The following CR1L variants were observed in gnomAD, a reference collection of about 807,000 sequenced individuals.
The protein encoded by CR1L is complement C3b/C4b receptor 1 like, also known as complement component receptor 1-like protein.
A neutral mutation model predicts 62.3 loss-of-function variants in CR1L; 59 were observed. That is an observed-to-expected ratio of 0.95 (90% CI 0.77 to 1.18). The LOEUF (loss-of-function observed/expected upper bound fraction) is 1.18, where lower values mean the gene tolerates loss of function less well. CR1L is among the 50% of genes most tolerant of loss of function. CR1L has a pLI of 0.00. For synonymous variants in CR1L, 279 were observed against 248.7 expected, an observed-to-expected ratio of 1.12 and a Z score of -1.15; for missense variants, 700 against 702.8, an observed-to-expected ratio of 1.00 and a Z score of 0.04.
At chr1:207,659,063 C>T (rs114798855) in intron 1 of CR1L, 2,299 of 152,788 alleles carry the variant, frequency 0.015, 23 homozygotes, top group Non-Finnish European at 0.022. Context: ...TGCCGCCGCC[C>T]CACCTCCCAG....
chr1:207,711,778 G>A (rs1304886515), intron 10 of CR1L, among the ~76,000 whole-genome samples: 1 of 151,902 alleles, frequency 6.6e-6, no homozygotes, highest in Non-Finnish European at 1.5e-5. Context: ...GAGGTGGCTC[G>A]CACCTGAAAT....
intron 1 of CR1L, chr1:207,658,427 T>G (rs1226880997): frequency 1.3e-5 from 2 of 151,984 alleles, no homozygotes; most frequent in Non-Finnish European, 2.9e-5. Flanking sequence ...ATACTGAGAA[T>G]GAAAGAAGTG....
rs1663095546 is a variant in CR1L, at chr1:207,645,144, T to C, written c.-90T>C. The C allele has an allele frequency of 7.7e-7, 1 of 1,295,874 alleles. No individual in the cohort carries two copies. The highest frequency in any genetic ancestry group is 1.1e-6 in the Non-Finnish European group (1 of 908,710). The allele number at this position is 1,295,874 out of a possible 1,614,324, so 80.3% of individuals were successfully genotyped here. A position where few individuals can be genotyped will look rare whatever the true frequency, so the allele number is the denominator to read the frequency against. ...TGAGTTTGGGGATTGTTGTGTCCAC[T>C]AACCGGACTCAGAAGGGACTTCCCT... On this transcript the variant is annotated 5_prime_UTR_variant, in exon 1 of 12. Transcript: ENST00000508064.
chr1:207,665,155 G>A (rs750274837), intron 1 of CR1L, among the ~76,000 whole-genome samples: 12 of 152,098 alleles, frequency 7.9e-5, no homozygotes, highest in African/African-American at 2.4e-4. Context: ...CCGGGTTCCC[G>A]CCATTCTCCT....
At chr1:207,680,069 C>T (rs933689105) in intron 3 of CR1L, among the ~76,000 whole-genome samples, 1 of 152,136 alleles carries the variant, frequency 6.6e-6, no homozygotes, top group African/African-American at 2.4e-5. Flanking sequence ...ATATGATGTA[C>T]AATACCAAGA....
intron 1 of CR1L, among the ~76,000 whole-genome samples, chr1:207,676,869 T>C (rs951981137): frequency 2.6e-5 from 4 of 151,176 alleles, no homozygotes; most frequent in African/African-American, 9.7e-5. Flanking sequence ...TTGGCCAAAC[T>C]GGTCTCGAAC....
At chr1:207,645,912 A>G (rs549862841) in intron 1 of CR1L, among the ~76,000 whole-genome samples, 1 of 152,188 alleles carries the variant, frequency 6.6e-6, no homozygotes, top group East Asian at 1.9e-4. Context: ...CTGTGTGCGG[A>G]GTTCACTGTG....
intron 1 of CR1L, among the ~76,000 whole-genome samples, chr1:207,645,586 A>G (rs567293224): frequency 2.7e-4 from 41 of 152,292 alleles, no homozygotes; most frequent in Admixed American, 2.3e-3. Context: ...CGTTCCCAAA[A>G]GAAGCGTGAA....
intron 10 of CR1L, chr1:207,710,554 T>C (rs1261275789): frequency 5.6e-6 from 9 of 1,609,520 alleles, no homozygotes; most frequent in Non-Finnish European, 7.6e-6. Flanking sequence ...GCAAAGATGA[T>C]CAAGTGGTCG....
At chr1:207,674,517 T>C (rs923492119) in intron 1 of CR1L, among the ~76,000 whole-genome samples, 5 of 152,170 alleles carry the variant, frequency 3.3e-5, no homozygotes, top group Non-Finnish European at 7.4e-5. Context: ...ATATGTTCCT[T>C]TTTTGGGCTA....
chr1:207,721,783 G>A (rs969591253), intron 11 of CR1L, among the ~76,000 whole-genome samples: 5 of 151,492 alleles, frequency 3.3e-5, no homozygotes, highest in Non-Finnish European at 5.9e-5. Context: ...ATCCACAATG[G>A]TTGAACTAGT....
intron 1 of CR1L, among the ~76,000 whole-genome samples, chr1:207,655,675 C>T (rs1029001353): frequency 6.6e-6 from 1 of 152,140 alleles, no homozygotes; most frequent in African/African-American, 2.4e-5. Context: ...CGTGCTCAAG[C>T]AATCTGCCCC....
At chr1:207,690,114 T>C (rs926822786) in intron 4 of CR1L, among the ~76,000 whole-genome samples, 4 of 152,232 alleles carry the variant, frequency 2.6e-5, no homozygotes, top group African/African-American at 9.6e-5. Context: ...CTTTTACTGA[T>C]TTCTGCTTAT....
In CR1L at chr1:207,669,573, G is replaced by A. The variant is rs556815713; in HGVS notation, c.98-7816G>A. On this transcript the variant is annotated intron_variant, in intron 1 of 11. Coordinates refer to ENST00000508064, the MANE Select transcript of CR1L (RefSeq NM_175710.2). Reference sequence around the variant, plus strand: ...CGCTGCCGGTGGCCTGGGGTGAAACGCTGGGGGGCGTGGGGAGGCGCCCGG... The same window carrying A: ...CGCTGCCGGTGGCCTGGGGTGAAACACTGGGGGGCGTGGGGAGGCGCCCGG... 128 of 1,509,058 alleles carry A rather than the reference G, an allele frequency of 8.5e-5. 4 individuals are homozygous for A. The South Asian group carries it at 1.4e-3, about 17-fold the overall frequency. 93.5% of individuals were successfully genotyped at this position (1,509,058 alleles called of 1,614,324 possible).
At chr1:207,676,844 C>T (rs189954598) in intron 1 of CR1L, among the ~76,000 whole-genome samples, 23 of 152,132 alleles carry the variant, frequency 1.5e-4, no homozygotes, top group African/African-American at 1.9e-4. Flanking sequence ...TTAGTAGAGA[C>T]GGGGTTTCAC....
rs144071529 is a variant in CR1L at position 207,684,143 on chromosome 1, G to A, written c.463+186G>A. ...CTTTCTTTAAGTTCTTTCTTATCCT[G>A]GGATGTGTCTTTTCTAATTCTAGGG... On this transcript the variant is annotated intron_variant, in intron 4 of 11. Transcript: ENST00000508064. The A allele has an allele frequency of 1.8e-3, 799 of 453,504 alleles. 8 individuals are homozygous for A. Among genetic ancestry groups the A allele is most frequent in the African/African-American group, 0.015 (754 of 50,728 alleles). 28.1% of individuals were successfully genotyped at this position (453,504 alleles called of 1,614,324 possible). A position where few individuals can be genotyped will look rare whatever the true frequency, so the allele number is the denominator to read the frequency against.
intron 10 of CR1L, chr1:207,710,716 A>C: frequency 4.3e-6 from 7 of 1,609,434 alleles, no homozygotes; most frequent in Non-Finnish European, 5.9e-6. Flanking sequence ...TCATGAAAGG[A>C]CCCCCCGCAC....
At chr1:207,701,943 G>C (rs1260189360) in intron 9 of CR1L, among the ~76,000 whole-genome samples, 2 of 152,208 alleles carry the variant, frequency 1.3e-5, no homozygotes, top group Non-Finnish European at 2.9e-5. Flanking sequence ...AGGGCATGTA[G>C]CAGCTGTGTG....
chr1:207,664,879 A>T (rs1663489678), intron 1 of CR1L, among the ~76,000 whole-genome samples: 1 of 152,212 alleles, frequency 6.6e-6, no homozygotes, highest in African/African-American at 2.4e-5. Context: ...TGCTAATGTG[A>T]AAAAATGTCC....
Sources: allele counts gnomAD v4.1 joint callset (sites outside exome capture counted in the v4.1 genomes callset), GRCh38; gene constraint gnomAD v4.1.1; transcripts MANE v1.5; gene names NCBI Gene and HGNC (gene_info 2026-07-23, HGNC 2026-07-21).